MCM9: variants seen among roughly 807,000 people sequenced by gnomAD.
MCM9 encodes DNA helicase MCM9.
MCM9 carries 55 observed loss-of-function variants against 72.8 expected under a neutral mutation model. The ratio of observed to expected loss-of-function variants is 0.76; its 90% CI spans 0.61 to 0.95. MCM9 has a LOEUF of 0.95. Ranked by LOEUF, MCM9 falls within the 40% of genes least tolerant of loss-of-function variation. The pLI is 0.00. For missense variants in MCM9, 1,279 were observed against 1,377.0 expected (o/e 0.93, Z 1.13); for synonymous variants, 480 against 503.4 (o/e 0.95, Z 0.62).
At chr6:118,932,412 C>T (rs1212455367) in intron 2 of MCM9, among the ~76,000 whole-genome samples, 195 bp downstream of exon 2, 1 of 152,204 alleles carries the variant, frequency 6.6e-6, no homozygotes, top group Non-Finnish European at 1.5e-5. Context: ...ACATTCCATA[C>T]ACACACATTT....
intron 6 of MCM9, among the ~76,000 whole-genome samples, chr6:118,916,291 T>C (rs900740467): frequency 2.6e-5 from 4 of 150,954 alleles, no homozygotes; most frequent in Non-Finnish European, 5.9e-5. Context: ...TGTAGAGAAC[T>C]TTTGCTTCTT....
chr6:118,892,787 C>T (rs1562425821), intron 8 of MCM9, among the ~76,000 whole-genome samples: 1 of 151,952 alleles, frequency 6.6e-6, no homozygotes, highest in Non-Finnish European at 1.5e-5. Context: ...AATCCACTGA[C>T]AAAAAAAGGG....
intron 8 of MCM9, among the ~76,000 whole-genome samples, chr6:118,874,327 A>G (rs1777803786): frequency 6.6e-6 from 1 of 152,168 alleles, no homozygotes; most frequent in African/African-American, 2.4e-5. Context: ...AAGAAAAATC[A>G]CAATATCAAT....
chr6:118,885,311 A>C (rs1000778440), intron 8 of MCM9, among the ~76,000 whole-genome samples: 3 of 152,196 alleles, frequency 2.0e-5, no homozygotes, highest in African/African-American at 7.2e-5. Flanking sequence ...AAAGAAGAGT[A>C]AACTAAACTA....
intron 3 of MCM9, among the ~76,000 whole-genome samples, chr6:118,930,741 C>T (rs1022708): frequency 0.58 from 88,243 of 151,946 alleles, 26,173 homozygotes; most frequent in East Asian, 0.69. Context: ...CAAGAAATTA[C>T]TTCCATGCAA....
At chr6:118,921,472 T>C (rs1315342898) in intron 5 of MCM9, 2 of 152,198 alleles carry the variant, frequency 1.3e-5, no homozygotes, top group African/African-American at 4.8e-5. Context: ...TATCGGCCAA[T>C]GAAAACATTG....
Position 118,826,148 on chromosome 6 carries a change from T to C in MCM9, c.1960A>G (p.Arg654Gly). ...LLSEELRRLE[R>G]LQNQSVHQSQ... ...CCTTTCTGGGTTTTCATTCCTCACC[T>C]TTCAAGTCTTCTAAGCTCTTCACTC... Residue 654 changes from arginine (R) to glycine (G), a missense_variant and splice_region_variant, in exon 13 of 14, where the codon AGG (arginine) becomes GGG (glycine). Coordinates refer to ENST00000619706, the MANE Select transcript of MCM9 (RefSeq NM_017696.3). 2 of 1,547,120 alleles carry C rather than the reference T, an allele frequency of 1.3e-6. No homozygotes were observed. Among genetic ancestry groups the C allele is most frequent in the Non-Finnish European group, 1.7e-6 (2 of 1,146,014 alleles).
At chr6:118,875,361 C>T (rs36183067) in intron 8 of MCM9, among the ~76,000 whole-genome samples, 111,019 of 152,132 alleles carry the variant, frequency 0.73, 41,542 homozygotes, top group South Asian at 0.83. Flanking sequence ...AAAAGCTGGG[C>T]GCAGTGGCTC....
chr6:118,882,831 A>T (rs988230433), intron 8 of MCM9, among the ~76,000 whole-genome samples: 2 of 131,026 alleles, frequency 1.5e-5, no homozygotes, highest in East Asian at 3.5e-4. Flanking sequence ...AAACAACAAT[A>T]AAAAAAAGGA....
intron 8 of MCM9, among the ~76,000 whole-genome samples, chr6:118,874,869 T>G (rs1414778824): frequency 6.6e-6 from 1 of 152,228 alleles, no homozygotes; most frequent in Non-Finnish European, 1.5e-5. Flanking sequence ...ATCCCAGCAC[T>G]CTGGGAGGCT....
chr6:118,866,852 C>A (rs577268534), intron 8 of MCM9, among the ~76,000 whole-genome samples: 37 of 152,112 alleles, frequency 2.4e-4, no homozygotes, highest in African/African-American at 7.7e-4. Flanking sequence ...TAAGATGAAT[C>A]CAAAGAAACC....
intron 8 of MCM9, among the ~76,000 whole-genome samples, chr6:118,882,774 G>A (rs1778371039): frequency 2.0e-5 from 3 of 152,066 alleles, no homozygotes; most frequent in African/African-American, 7.2e-5. Context: ...ACACTGTGAG[G>A]AGACACAGAC....
In MCM9 at chr6:118,931,558, C is replaced by T. The variant is rs745543308; in HGVS notation, c.166G>A (p.Glu56Lys). 6.2e-7 allele frequency: 1 copy of T among 1,614,140 alleles called. No homozygotes were observed. The highest frequency in any genetic ancestry group is 1.1e-5 in the South Asian group (1 of 91,082). The change falls in exon 3 of 14, where the codon GAA (glutamate) becomes AAA (lysine). Residue 56 changes from glutamate to lysine, a missense_variant. Coordinates refer to ENST00000619706, the MANE Select transcript of MCM9 (RefSeq NM_017696.3). ...TLFETNMEIG[E>K]YFNMFPSEVL... The stretch of plus-strand genomic sequence containing the variant: ...TCACTGGGGAACATGTTGAAATATT[C>T]CCCGATTTCCATGTTGGTCTCAAAC...
chr6:118,821,314 G>A (rs564826042), intron 13 of MCM9, among the ~76,000 whole-genome samples: 5 of 152,084 alleles, frequency 3.3e-5, no homozygotes, highest in Non-Finnish European at 7.4e-5. Context: ...TGTAAGGCAG[G>A]CCTGCTGGTT....
chr6:118,830,327 C>T (rs1461461540), intron 9 of MCM9, among the ~76,000 whole-genome samples: 2 of 152,188 alleles, frequency 1.3e-5, no homozygotes, highest in Admixed American at 6.5e-5. Flanking sequence ...TTCTAGCTAG[C>T]AGCTACTTCA....
At chr6:118,824,042 T>A (rs1773999952) in intron 13 of MCM9, among the ~76,000 whole-genome samples, 1 of 11,600 alleles carries the variant, frequency 8.6e-5, no homozygotes, top group Non-Finnish European at 1.4e-4. Flanking sequence ...CACCTTTTTT[T>A]TTTTTTTTTT....
At chr6:118,907,963 C>T (rs1352981701) in intron 8 of MCM9, 1 of 169,242 alleles carries the variant, frequency 5.9e-6, no homozygotes, top group Admixed American at 6.0e-5. Context: ...GTCTTTGGAC[C>T]ACTATTTTAC....
intron 8 of MCM9, among the ~76,000 whole-genome samples, chr6:118,883,508 A>G (rs1778426104): frequency 6.6e-6 from 1 of 152,160 alleles, no homozygotes; most frequent in African/African-American, 2.4e-5. Flanking sequence ...AGTAGGATAT[A>G]TGTTTTAAAA....
At chr6:118,896,609 C>T (rs114584558) in intron 8 of MCM9, among the ~76,000 whole-genome samples, 1,580 of 152,246 alleles carry the variant, frequency 0.01, 30 homozygotes, top group African/African-American at 0.036. Flanking sequence ...GTATATTTCA[C>T]TTCCTAGGCA....
Sources: gnomAD v4.1 joint callset for allele counts (sites outside exome capture counted in the v4.1 genomes callset) on GRCh38, gnomAD v4.1.1 for gene constraint, MANE v1.5 for transcripts, NCBI Gene and HGNC (gene_info 2026-07-23, HGNC 2026-07-21) for gene names.